The following PSIP1 variants were observed in gnomAD, a reference collection of about 807,000 sequenced individuals.
PSIP1 encodes the protein PC4 and SFRS1-interacting protein.
Under a neutral mutation model 74.7 loss-of-function variants are expected in PSIP1, and 19 were observed. That is an observed-to-expected ratio of 0.25 (90% CI 0.18 to 0.37). PSIP1 has a LOEUF of 0.37. Ranked by LOEUF, PSIP1 falls within the 10% of genes least tolerant of loss-of-function variation. PSIP1 has a pLI of 1.00. For missense variants in PSIP1, 601 were observed against 614.3 expected (o/e 0.98, Z 0.23); for synonymous variants, 222 against 195.3 (o/e 1.14, Z -1.14).
At chr9:15,509,721 T>A (rs1297920758) in intron 2 of PSIP1, among the ~76,000 whole-genome samples, 1 of 152,220 alleles carries the variant, frequency 6.6e-6, no homozygotes, top group Non-Finnish European at 1.5e-5. Flanking sequence ...TCCAAGTGTT[T>A]GTGTGTAATC....
At chr9:15,485,607 TAACAACAAC>T (rs139294153) in intron 6 of PSIP1, among the ~76,000 whole-genome samples, 1 of 152,134 alleles carries the variant, frequency 6.6e-6, no homozygotes, top group African/African-American at 2.4e-5. Context: ...CAACGTGAAG[TAACAACAAC>T]AACAACATAA....
chr9:15,486,700 T>G (rs1009000134), intron 5 of PSIP1, 127 bp downstream of exon 5: 4 of 701,766 alleles, frequency 5.7e-6, no homozygotes, highest in Non-Finnish European at 9.7e-6. Context: ...AAATAAGCCT[T>G]AAATATTTTC....
chr9:15,495,737 T>C (rs1011154616), intron 3 of PSIP1, among the ~76,000 whole-genome samples: 8 of 152,226 alleles, frequency 5.3e-5, no homozygotes, highest in African/African-American at 1.9e-4. Flanking sequence ...ATATCCTCAA[T>C]GTTTTTTGTT....
chr9:15,510,021 AG>A (rs1443679689), intron 2 of PSIP1, 95 bp downstream of exon 2: 16 of 1,263,190 alleles, frequency 1.3e-5, no homozygotes, highest in Non-Finnish European at 1.8e-5. Flanking sequence ...AGCGAGGGAG[AG>A]AAAGGACAGA....
chr9:15,505,806 T>C (rs1196475310), intron 3 of PSIP1: 1 of 152,246 alleles, frequency 6.6e-6, no homozygotes, highest in Non-Finnish European at 1.5e-5. Context: ...AATATTGCCA[T>C]TGCAGCCACT....
At chr9:15,479,039 C>T (rs963819136) in intron 7 of PSIP1, among the ~76,000 whole-genome samples, 1 of 151,768 alleles carries the variant, frequency 6.6e-6, no homozygotes, top group African/African-American at 2.4e-5. Flanking sequence ...ACTCATCTTA[C>T]CCCCCATTTT....
At chr9:15,502,896 A>T (rs1266565141) in intron 3 of PSIP1, among the ~76,000 whole-genome samples, 1 of 152,234 alleles carries the variant, frequency 6.6e-6, no homozygotes, top group African/African-American at 2.4e-5. Flanking sequence ...TGAATGTCCT[A>T]AGTAAAATCA....
intron 3 of PSIP1, among the ~76,000 whole-genome samples, chr9:15,500,252 T>C (rs1365423587): frequency 6.6e-6 from 1 of 152,022 alleles, no homozygotes; most frequent in African/African-American, 2.4e-5. Flanking sequence ...GATCATGACG[T>C]CAGGAGATCA....
chr9:15,492,950 G>A (rs557240004), intron 3 of PSIP1, among the ~76,000 whole-genome samples: 108 of 152,298 alleles, frequency 7.1e-4, no homozygotes, highest in African/African-American at 2.2e-3. Flanking sequence ...CCGGGACCCA[G>A]GCCAGGAAAC....
In PSIP1 at chr9:15,494,565, CAAAAAAAAAA is replaced by C. The variant is rs57170853; in HGVS notation, c.150-4451_150-4442del. ...GGGCAACAAGAGCAAAACTGCATCTCAAAAAAAAAAAAAAAAAAAAAAAAAAAATACACAC... is the reference window on the plus strand; with the variant it reads ...GGGCAACAAGAGCAAAACTGCATCTCAAAAAAAAAAAAAAAAAATACACAC... On this transcript the variant is annotated intron_variant, in intron 3 of 15. Coordinates refer to ENST00000380733, the MANE Select transcript of PSIP1 (RefSeq NM_033222.5). 1.7e-3 allele frequency among the ~76,000 whole-genome samples: 65 copies of C among 37,556 alleles called. 1 individual carries two copies. Among genetic ancestry groups the C allele is most frequent in the African/African-American group, 6.2e-3 (58 of 9,326 alleles). The allele number at this position is 37,556 out of a possible 152,430, so 24.6% of individuals were successfully genotyped here.
chr9:15,473,451 T>C (rs1022896717), intron 9 of PSIP1, among the ~76,000 whole-genome samples: 11 of 152,292 alleles, frequency 7.2e-5, no homozygotes, highest in Admixed American at 3.9e-4. Flanking sequence ...AATTGTAAAA[T>C]AGATGAATTT....
chr9:15,468,358 G>A (rs777315947), intron 14 of PSIP1: 1 of 653,758 alleles, frequency 1.5e-6, no homozygotes, highest in East Asian at 3.3e-5. Flanking sequence ...CATTGTGATG[G>A]ATGGGTTTTT....
rs746434521 is a variant in PSIP1 at position 15,470,003 on chromosome 9, G to A, written c.978-10C>T. On this transcript the variant is annotated splice_polypyrimidine_tract_variant and intron_variant, in intron 10 of 15. Coordinates refer to ENST00000380733, the MANE Select transcript of PSIP1 (RefSeq NM_033222.5). ...TTCATCTTTATTCTGCCTATCAAAT[G>A]TTAACAAAAATATTTCAACACATTG... 4.4e-6 allele frequency: 7 copies of A among 1,598,096 alleles called. No homozygotes were observed. The East Asian group carries it at 1.1e-4, about 26-fold the overall frequency.
chr9:15,503,486 A>G (rs1225638881), intron 3 of PSIP1, among the ~76,000 whole-genome samples: 1 of 151,978 alleles, frequency 6.6e-6, no homozygotes, highest in Non-Finnish European at 1.5e-5. Flanking sequence ...GCAAGACCCC[A>G]TCTCTAAAAA....
At position 15,490,061 on chromosome 9, in the gene PSIP1, T is replaced by C; in HGVS notation, c.213A>G (p.Pro71=). The change falls in exon 4 of 16, where the codon CCA becomes CCG. Residue 71 remains proline (P), a synonymous_variant. Coordinates refer to ENST00000380733, the MANE Select transcript of PSIP1 (RefSeq NM_033222.5). ...YSENKEKYGK[P]NKRKGFNEGL... ...CTTCATTAAAACCTTTTCTTTTATT[T>C]GGTTTGCCATACTTTTCCTTATTTT... 6.2e-7 allele frequency: 1 copy of C among 1,606,130 alleles called. No homozygotes were observed. Among genetic ancestry groups the C allele is most frequent in the Non-Finnish European group, 8.5e-7 (1 of 1,176,102 alleles).
intron 3 of PSIP1, among the ~76,000 whole-genome samples, chr9:15,504,499 A>C (rs1480731327): frequency 6.6e-6 from 1 of 152,180 alleles, no homozygotes; most frequent in African/African-American, 2.4e-5. Context: ...GCACTTTAGG[A>C]GGCCGAGGTG....
intron 6 of PSIP1, 159 bp downstream of exon 6, chr9:15,485,847 A>G (rs1444568184): frequency 3.4e-6 from 2 of 587,158 alleles, no homozygotes; most frequent in African/African-American, 3.8e-5. Context: ...CTAAGAAAGA[A>G]ACACAGATAG....
intron 11 of PSIP1, among the ~76,000 whole-genome samples, chr9:15,469,597 TATG>T (rs1344797756): frequency 1.3e-5 from 2 of 152,168 alleles, no homozygotes; most frequent in Non-Finnish European, 2.9e-5. Flanking sequence ...ATAGTCTGCA[TATG>T]ATAACTCCTC....
intron 13 of PSIP1, 39 bp from the exon 14 acceptor site, chr9:15,468,882 A>G (rs746079405): frequency 6.2e-7 from 1 of 1,605,142 alleles, no homozygotes; most frequent in African/African-American, 1.3e-5. Flanking sequence ...TTGTTTTCCT[A>G]ATTGATTTTT....
Sources: allele counts gnomAD v4.1 joint callset (sites outside exome capture counted in the v4.1 genomes callset), GRCh38; gene constraint gnomAD v4.1.1; transcripts MANE v1.5; gene names NCBI Gene and HGNC (gene_info 2026-07-23, HGNC 2026-07-21).